Variants in CHRNE observed in about 807,000 individuals in gnomAD.
CHRNE encodes the protein cholinergic receptor nicotinic epsilon subunit.
A neutral mutation model predicts 56.5 loss-of-function variants in CHRNE; 58 were observed. The ratio of observed to expected loss-of-function variants is 1.03; its 90% CI spans 0.83 to 1.28. The LOEUF is 1.28. CHRNE is among the 50% of genes most tolerant of loss of function. The pLI is 0.00. For synonymous variants in CHRNE, 385 were observed against 297.9 expected (o/e 1.29, Z -3.01); for missense variants, 793 against 688.9 (o/e 1.15, Z -1.69).
chr17:4,900,740 C>A, intron 8 of CHRNE, 53 bp downstream of exon 8: 12 of 1,557,760 alleles, frequency 7.7e-6, no homozygotes, highest in Non-Finnish European at 1.0e-5. Context: ...TGGGTTTTGG[C>A]CACGCCCCCA....
rs1969837189 is a variant in CHRNE at position 4,899,053 on chromosome 17, T to G, written c.1274A>C (p.Asp425Ala). Residue 425 changes from aspartate to alanine, a missense_variant, in exon 11 of 12, where the codon GAT becomes GCT. By Grantham distance (126) the Asp-to-Ala change is moderately radical. Coordinates refer to ENST00000649488, the MANE Select transcript of CHRNE (RefSeq NM_000080.4). ...AAAPEVRCCVDAVNFVAESTR... is the reference protein window; with the variant it reads ...AAAPEVRCCVAAVNFVAESTR... ...GCTCTCGGCCACGAAGTTCACGGCA[T>G]CCACACAGCAGCGGACCTCGGGGGC... The G allele has an allele frequency of 6.2e-7, 1 of 1,611,884 alleles. No homozygotes were observed. The highest frequency in any genetic ancestry group is 8.5e-7 in the Non-Finnish European group (1 of 1,179,636).
chr17:4,900,236 GATCTCAGC>G (rs1217718513), intron 8 of CHRNE: 2 of 1,547,220 alleles, frequency 1.3e-6, no homozygotes, highest in Non-Finnish European at 1.7e-6. Flanking sequence ...CCCCAATGCA[GATCTCAGC>G]CCTGTGGCTG....
In CHRNE at chr17:4,901,139, T is replaced by G. The variant is rs376001778; in HGVS notation, c.653A>C (p.His218Pro). 6 of 1,611,580 alleles carry G rather than the reference T, an allele frequency of 3.7e-6. No homozygotes were observed. The highest frequency in any genetic ancestry group is 1.6e-4 in the Middle Eastern group (1 of 6,082). The change falls in exon 7 of 12, where the codon CAC becomes CCC. Residue 218 changes from histidine (H) to proline (P), a missense_variant. His to Pro is a moderately conservative substitution (Grantham distance 77). Transcript: ENST00000649488. ...CCCTGGGCCGTCGGTGGCGCCACCGTGGTGGCGGCGGATCACCCCCGGGCA... is the reference window on the plus strand; with the variant it reads ...CCCTGGGCCGTCGGTGGCGCCACCGGGGTGGCGGCGGATCACCCCCGGGCA... The part of the protein sequence containing the change: ...DFCPGVIRRH[H>P]GGATDGPGET...
rs901387561 is a variant in CHRNE at position 4,897,960 on chromosome 17, T to G, written c.*776A>C. On this transcript the variant is annotated 3_prime_UTR_variant, in exon 12 of 12. Coordinates refer to ENST00000649488, the MANE Select transcript of CHRNE (RefSeq NM_000080.4). ...CCCTTGCTTGCATCTGTATATAGTG[T>G]GAGCAGCAAGTAACCCTTCTCCCTC... The G allele has an allele frequency of 7.1e-6, 1 of 141,340 alleles. No individual in the cohort carries two copies. The highest frequency in any genetic ancestry group is 2.8e-5 in the African/African-American group (1 of 35,846). 8.8% of individuals were successfully genotyped at this position (141,340 alleles called of 1,614,324 possible).
At chr17:4,899,138 G>A (rs1051011188) in intron 10 of CHRNE, 31 bp from the exon 11 acceptor site, 23 of 1,600,044 alleles carry the variant, frequency 1.4e-5, no homozygotes, top group Non-Finnish European at 1.9e-5. Context: ...GTGGGCCTTA[G>A]GAGCCTCCCC....
At chr17:4,908,554 C>T (rs1188621247) in intron 1 of CHRNE, among the ~76,000 whole-genome samples, 1 of 152,172 alleles carries the variant, frequency 6.6e-6, no homozygotes, top group Non-Finnish European at 1.5e-5. Flanking sequence ...AGGACTGCCT[C>T]GGGGGCTGAG....
In CHRNE at chr17:4,902,093, G is replaced by C. The variant is rs1321287135; in HGVS notation, c.345-6C>G. On this transcript the variant is annotated splice_region_variant and splice_polypyrimidine_tract_variant and intron_variant, in intron 4 of 11. Transcript: ENST00000649488. The surrounding 1 kb of genome is among the most constrained non-coding windows in gnomAD (Gnocchi z 4.0). ...CTCCGAACTGGCCATCAATACTGTG[G>C]GCTCGGGGAAACCGAGCTTTTTGCA... is the stretch of plus-strand genomic sequence containing the variant. The C allele has an allele frequency of 6.2e-7, 1 of 1,613,908 alleles. No individual in the cohort carries two copies. Among genetic ancestry groups the C allele is most frequent in the South Asian group, 1.1e-5 (1 of 91,078 alleles).
In CHRNE at chr17:4,899,460, G is replaced by A. The variant is rs755463469; in HGVS notation, c.1032+8C>T. 7.6e-6 allele frequency: 12 copies of A among 1,578,828 alleles called. No individual in the cohort carries two copies. Among genetic ancestry groups the A allele is most frequent in the Admixed American group, 7.4e-5 (4 of 54,378 alleles). On this transcript the variant is annotated splice_region_variant and intron_variant, in intron 9 of 11. Transcript: ENST00000649488. The stretch of plus-strand genomic sequence containing the variant: ...CGACCCGGGCTGCACCGCCCCCTCC[G>A]CGCTTACGTGGCGCAGCCGCGGGGA...
chr17:4,898,834 C>A lies in CHRNE; in HGVS notation c.1384G>T (p.Ala462Ser). The A allele has an allele frequency of 6.3e-7, 1 of 1,597,382 alleles. No individual in the cohort carries two copies. The highest frequency in any genetic ancestry group is 8.5e-7 in the Non-Finnish European group (1 of 1,172,802). Residue 462 changes from alanine (A) to serine (S), a missense_variant, in exon 12 of 12, where the codon GCT (alanine) becomes TCT (serine). Coordinates refer to ENST00000649488, the MANE Select transcript of CHRNE (RefSeq NM_000080.4). ...GAGCCCACGCTGAAGAGCACCAGAG[C>A]GGCCCAGAAGCAGATGTTGTCAAGG... Reference protein sequence around the residue: ...NALDNICFWAALVLFSVGSSL... With the variant: ...NALDNICFWASLVLFSVGSSL...
At chr17:4,906,631 T>C (rs1160447416), upstream of CHRNE, among the ~76,000 whole-genome samples, 1 of 152,072 alleles carries the variant, frequency 6.6e-6, no homozygotes, top group Non-Finnish European at 1.5e-5. Flanking sequence ...GGTAGGAGAA[T>C]TGCTTGAGCC....
In CHRNE at chr17:4,899,070, C is replaced by G; in HGVS notation, c.1257G>C (p.Glu419Asp). 1 of 1,611,694 alleles carries G rather than the reference C, an allele frequency of 6.2e-7. No individual in the cohort carries two copies. Among genetic ancestry groups the G allele is most frequent in the Non-Finnish European group, 8.5e-7 (1 of 1,179,598 alleles). Residue 419 changes from glutamate to aspartate, a missense_variant, in exon 11 of 12, where the codon GAG becomes GAC. Transcript: ENST00000649488. ...TCACGGCATCCACACAGCAGCGGAC[C>G]TCGGGGGCGGCGGCGCCCAGGCTCT... Reference protein sequence around the residue: ...FCQSLGAAAPEVRCCVDAVNF... With the variant: ...FCQSLGAAAPDVRCCVDAVNF...
chr17:4,899,145 C>G (rs765158140), intron 10 of CHRNE, 38 bp from the exon 11 acceptor site: 16 of 1,596,296 alleles, frequency 1.0e-5, no homozygotes, highest in African/African-American at 2.7e-5. Context: ...TTAGGAGCCT[C>G]CCCCCTGGCA....
intron 8 of CHRNE, chr17:4,899,883 G>C (rs1010847156): frequency 6.5e-7 from 1 of 1,549,272 alleles, no homozygotes; most frequent in Non-Finnish European, 8.7e-7. Flanking sequence ...TAGGTCTCCT[G>C]TTCGCCCCTG....
upstream of CHRNE, among the ~76,000 whole-genome samples, chr17:4,907,406 T>TA (rs1196672280): frequency 5.3e-4 from 76 of 142,550 alleles, no homozygotes; most frequent in Non-Finnish European, 7.7e-4. Context: ...TACTAAAAAT[T>TA]AAAAAAAAAA....
chr17:4,900,554 A>G lies in CHRNE; in HGVS notation c.917+239T>C, dbSNP rs576292648. 3.4e-5 allele frequency: 52 copies of G among 1,550,354 alleles called. No homozygotes were observed. The South Asian group carries it at 5.2e-4, about 16-fold the overall frequency. ...GTTAGGGGCCAGAGGCGGCGGGGCT[A>G]GGGAGGCACTGAGCCGGACTGTCCC... is the stretch of plus-strand genomic sequence containing the variant. On this transcript the variant is annotated intron_variant, in intron 8 of 11. Coordinates refer to ENST00000649488, the MANE Select transcript of CHRNE (RefSeq NM_000080.4).
chr17:4,906,524 GA>G (rs1030138063), upstream of CHRNE, among the ~76,000 whole-genome samples: 1 of 152,130 alleles, frequency 6.6e-6, no homozygotes, highest in Non-Finnish European at 1.5e-5. Context: ...AAAGAGGGCA[GA>G]AGATTTGAAT....
upstream of CHRNE, among the ~76,000 whole-genome samples, chr17:4,905,753 C>T (rs1390455279): frequency 6.6e-6 from 1 of 150,614 alleles, no homozygotes; most frequent in East Asian, 2.0e-4. Flanking sequence ...CCCAGCTACT[C>T]GGGAGGCTGA....
chr17:4,899,062 C>T lies in CHRNE; in HGVS notation c.1265G>A (p.Cys422Tyr), dbSNP rs778714163. 1.9e-6 allele frequency: 3 copies of T among 1,611,732 alleles called. No homozygotes were observed. Among genetic ancestry groups the T allele is most frequent in the Non-Finnish European group, 1.7e-6 (2 of 1,179,646 alleles). ...SLGAAAPEVRCCVDAVNFVAE... is the reference protein window; with the variant it reads ...SLGAAAPEVRYCVDAVNFVAE... Reference sequence around the variant, plus strand: ...CACGAAGTTCACGGCATCCACACAGCAGCGGACCTCGGGGGCGGCGGCGCC... The same window carrying T: ...CACGAAGTTCACGGCATCCACACAGTAGCGGACCTCGGGGGCGGCGGCGCC... The change falls in exon 11 of 12, where the codon TGC becomes TAC. Residue 422 changes from cysteine to tyrosine, a missense_variant. Cys to Tyr is a radical substitution (Grantham distance 194, BLOSUM62 -2). Coordinates refer to ENST00000649488, the MANE Select transcript of CHRNE (RefSeq NM_000080.4).
chr17:4,899,310 T>C lies in CHRNE; in HGVS notation c.1107A>G (p.Pro369=). The stretch of plus-strand genomic sequence containing the variant: ...ATAAGCCCACCGACGACGCCCGCCT[T>C]GGGGGCGAGGCGGCCCGGGGGGCCT... ...PPEAPRAASP[P]RRASSVGLLL... The change falls in exon 10 of 12, where the codon CCA becomes CCG. Residue 369 remains proline (P), a synonymous_variant. Coordinates refer to ENST00000649488, the MANE Select transcript of CHRNE (RefSeq NM_000080.4). The C allele has an allele frequency of 6.3e-7, 1 of 1,580,024 alleles. No individual in the cohort carries two copies. Among genetic ancestry groups the C allele is most frequent in the Non-Finnish European group, 8.5e-7 (1 of 1,169,818 alleles).
Sources: gnomAD v4.1 joint callset for allele counts (sites outside exome capture counted in the v4.1 genomes callset) on GRCh38, gnomAD v4.1.1 for gene constraint, Gnocchi (gnomAD v3.1) non-coding constraint, MANE v1.5 for transcripts, NCBI Gene and HGNC (gene_info 2026-07-23, HGNC 2026-07-21) for gene names.